Variants in CLUAP1 observed in about 807,000 individuals in gnomAD.
CLUAP1 encodes intraflagellar transport 38.
Under a neutral mutation model 55.0 loss-of-function variants are expected in CLUAP1, and 50 were observed. That is an observed-to-expected ratio of 0.91 (90% CI 0.72 to 1.15). The LOEUF (loss-of-function observed/expected upper bound fraction) is 1.15. Among genes scored for constraint, CLUAP1 ranks in the 50% most tolerant of loss-of-function variants. The pLI is 0.00. For synonymous variants in CLUAP1, 195 were observed against 175.4 expected (o/e 1.11, Z -0.88); for missense variants, 530 against 507.6 (o/e 1.04, Z -0.42).
chr16:3,509,693 G>T (rs908907678), intron 4 of CLUAP1, among the ~76,000 whole-genome samples: 1 of 152,218 alleles, frequency 6.6e-6, no homozygotes, highest in African/African-American at 2.4e-5. Context: ...GCCACGCAGG[G>T]TACGTGAAAC....
At chr16:3,520,066 A>G (rs375472624) in intron 7 of CLUAP1, 30 bp downstream of exon 7, 21 of 1,580,908 alleles carry the variant, frequency 1.3e-5, no homozygotes, top group African/African-American at 8.2e-5. Flanking sequence ...GAATGAGTAG[A>G]AAGATGTCCT....
chr16:3,531,938 G>A (rs748123509), intron 10 of CLUAP1, among the ~76,000 whole-genome samples: 2 of 151,670 alleles, frequency 1.3e-5, no homozygotes, highest in South Asian at 2.1e-4. Context: ...TCTGCTTCCC[G>A]GAGGGAGCAA....
At chr16:3,529,434 ATATAT>A (rs1436645137) in intron 9 of CLUAP1, among the ~76,000 whole-genome samples, 931 of 76,754 alleles carry the variant, frequency 0.012, 9 homozygotes, top group Non-Finnish European at 0.014. Flanking sequence ...TATATATAAT[ATATAT>A]TATATTATAT....
rs2037716665 is a variant in CLUAP1 at position 3,515,661 on chromosome 16, A to G, written c.579+70A>G. The G allele has an allele frequency of 4.9e-6, 5 of 1,018,952 alleles. No individual in the cohort carries two copies. In the East Asian group the frequency reaches 1.3e-4, roughly 27 times the overall value. 63.1% of individuals were successfully genotyped at this position (1,018,952 alleles called of 1,614,324 possible). A position where few individuals can be genotyped will look rare whatever the true frequency, so the allele number is the denominator to read the frequency against. ...TCAAAAATACTGATTTCTTGCCCAT[A>G]CAAGACAGAACAAGCTAGGCTTAGT... On this transcript the variant is annotated intron_variant, in intron 6 of 11. Coordinates refer to ENST00000576634, the MANE Select transcript of CLUAP1 (RefSeq NM_015041.3).
At chr16:3,511,093 G>A (rs1335628742) in intron 4 of CLUAP1, among the ~76,000 whole-genome samples, 1 of 152,200 alleles carries the variant, frequency 6.6e-6, no homozygotes, top group African/African-American at 2.4e-5. Flanking sequence ...TTGGGGATGT[G>A]CTGCTCGGAA....
At chr16:3,519,492 G>A (rs986173898) in intron 6 of CLUAP1, among the ~76,000 whole-genome samples, 1 of 152,162 alleles carries the variant, frequency 6.6e-6, no homozygotes, top group African/African-American at 2.4e-5. Context: ...GTGTGTGTGG[G>A]TATTCTGTAA....
chr16:3,537,199 C>T lies in CLUAP1; in HGVS notation c.*928C>T, dbSNP rs2038249816. 1.3e-5 allele frequency: 2 copies of T among 152,108 alleles called. No homozygotes were observed. Among genetic ancestry groups the T allele is most frequent in the African/African-American group, 4.8e-5 (2 of 41,398 alleles). The allele number at this position is 152,108 out of a possible 1,614,324, so 9.4% of individuals were successfully genotyped here. The stretch of plus-strand genomic sequence containing the variant: ...CCTGCAGCTCGCTACCTAAGTGTTT[C>T]TGTAGGGGAAGGAGCCAATTAAGAA... On this transcript the variant is annotated 3_prime_UTR_variant, in exon 12 of 12. Transcript: ENST00000576634.
At chr16:3,504,490 A>G (rs1449050945) in intron 1 of CLUAP1, among the ~76,000 whole-genome samples, 1 of 152,234 alleles carries the variant, frequency 6.6e-6, no homozygotes, top group African/African-American at 2.4e-5. Context: ...TTCCATTTTC[A>G]TGTATAGCCA....
rs533002264 is a variant in CLUAP1 at position 3,518,322 on chromosome 16, C to T, written c.580-1581C>T. On this transcript the variant is annotated intron_variant, in intron 6 of 11. Coordinates refer to ENST00000576634, the MANE Select transcript of CLUAP1 (RefSeq NM_015041.3). ...CACTAATATGTTAAAAGTAGAACAC[C>T]CAAGAGAGGACAGGGTTCATTTCTT... Among the ~76,000 whole-genome samples, 10 of 152,248 alleles carry T rather than the reference C, an allele frequency of 6.6e-5. No homozygotes were observed. In the South Asian group the frequency reaches 2.1e-3, roughly 32 times the overall value.
chr16:3,498,178 A>G (rs947257259), upstream of CLUAP1, among the ~76,000 whole-genome samples: 1 of 152,100 alleles, frequency 6.6e-6, no homozygotes, highest in African/African-American at 2.4e-5. Flanking sequence ...GCACGGGAAG[A>G]AGGATGTCCC....
At chr16:3,497,998 G>A (rs907077230), upstream of CLUAP1, among the ~76,000 whole-genome samples, 4 of 151,946 alleles carry the variant, frequency 2.6e-5, no homozygotes, top group Non-Finnish European at 2.9e-5. Flanking sequence ...GTGATTATCC[G>A]GGCTGAGAAG....
chr16:3,524,596 CAAAAAAA>C (rs755040158), intron 8 of CLUAP1, among the ~76,000 whole-genome samples: 14 of 34,284 alleles, frequency 4.1e-4, no homozygotes, highest in South Asian at 1.3e-3. Context: ...GACACCATCT[CAAAAAAA>C]AAAAAAAAAA....
chr16:3,519,377 G>C lies in CLUAP1; in HGVS notation c.580-526G>C, dbSNP rs192415806. On this transcript the variant is annotated intron_variant, in intron 6 of 11. Transcript: ENST00000576634. ...GTTTTTAGTCTGTAGTCAAGCTTCT[G>C]TTGCCAGGGAGAGGGAAGAGGACCT... is the stretch of plus-strand genomic sequence containing the variant. 2.0e-5 allele frequency among the ~76,000 whole-genome samples: 3 copies of C among 152,358 alleles called. No individual in the cohort carries two copies. In the East Asian group the frequency reaches 5.8e-4, roughly 29 times the overall value.
intron 1 of CLUAP1, among the ~76,000 whole-genome samples, chr16:3,502,243 G>A (rs2037417594): frequency 6.6e-6 from 1 of 152,014 alleles, no homozygotes; most frequent in Non-Finnish European, 1.5e-5. Flanking sequence ...AGGAGTTCTA[G>A]ACTAGCCTAG....
chr16:3,509,345 C>A (rs1272202311), intron 4 of CLUAP1, among the ~76,000 whole-genome samples: 1 of 152,200 alleles, frequency 6.6e-6, no homozygotes, highest in Non-Finnish European at 1.5e-5. Flanking sequence ...GCCTGGGAAG[C>A]CCCTGGAAAG....
chr16:3,500,284 C>G (rs548401967), upstream of CLUAP1, among the ~76,000 whole-genome samples: 2 of 152,324 alleles, frequency 1.3e-5, no homozygotes, highest in South Asian at 2.1e-4. Flanking sequence ...ACAGTGATCC[C>G]GTCCTCCGCT....
chr16:3,502,514 C>G (rs1340455236), intron 1 of CLUAP1, among the ~76,000 whole-genome samples: 1 of 150,850 alleles, frequency 6.6e-6, no homozygotes, highest in African/African-American at 2.5e-5. Context: ...TCTCTTAAAG[C>G]CAGTTTTCTC....
chr16:3,504,697 G>T (rs2037468792), intron 1 of CLUAP1, 23 bp from the exon 2 acceptor site: 1 of 1,309,384 alleles, frequency 7.6e-7, no homozygotes, highest in African/African-American at 1.5e-5. Context: ...GGAACTGAAT[G>T]AATTGTATTT....
chr16:3,501,185 C>A (rs1224335194), intron 1 of CLUAP1, 96 bp downstream of exon 1: 2 of 1,322,850 alleles, frequency 1.5e-6, no homozygotes. Flanking sequence ...CTGAGGCTTG[C>A]GCTGCCGGAG....
Sources: allele counts gnomAD v4.1 joint callset (sites outside exome capture counted in the v4.1 genomes callset), GRCh38; gene constraint gnomAD v4.1.1; transcripts MANE v1.5; gene names NCBI Gene and HGNC (gene_info 2026-07-23, HGNC 2026-07-21).